NLN: variants seen among roughly 807,000 people sequenced by gnomAD.
NLN encodes the protein neurolysin, mitochondrial.
NLN carries 64 observed loss-of-function variants against 79.9 expected under a neutral mutation model. The observed-to-expected ratio is 0.80, with a 90% CI of 0.65 to 0.99. NLN has a LOEUF of 0.99. Ranked by LOEUF, NLN falls within the 50% of genes least tolerant of loss-of-function variation. The probability of loss-of-function intolerance (pLI) is 0.00; values close to 1 mark genes in which losing one functional copy is unlikely to be tolerated. For synonymous variants in NLN, 267 were observed against 296.6 expected, an observed-to-expected ratio of 0.90 and a Z score of 1.02; for missense variants, 835 against 858.7, an observed-to-expected ratio of 0.97 and a Z score of 0.34.
chr5:65,828,292 C>T lies in NLN; in HGVS notation c.*5377C>T, dbSNP rs908732475. On this transcript the variant is annotated 3_prime_UTR_variant, in exon 13 of 13. Transcript: ENST00000380985. Reference sequence around the variant, plus strand: ...AGATCAAAAGAATAATCCCCCCGGACTCCAGTGTAAGATCAATTACTGTTG... The same window carrying T: ...AGATCAAAAGAATAATCCCCCCGGATTCCAGTGTAAGATCAATTACTGTTG... 3 of 152,190 alleles carry T rather than the reference C, an allele frequency of 2.0e-5. No homozygotes were observed. The highest frequency in any genetic ancestry group is 7.2e-5 in the African/African-American group (3 of 41,438). 9.4% of individuals were successfully genotyped at this position (152,190 alleles called of 1,614,324 possible).
chr5:65,726,889 T>G (rs561492343), intron 1 of NLN, among the ~76,000 whole-genome samples: 2 of 152,348 alleles, frequency 1.3e-5, no homozygotes, highest in East Asian at 3.9e-4. Context: ...TTTTTCCTGT[T>G]TCCTCTGACA....
intron 1 of NLN, 114 bp from the exon 2 acceptor site, chr5:65,758,452 GT>G (rs1759267260): frequency 1.0e-5 from 7 of 691,906 alleles, no homozygotes; most frequent in African/African-American, 1.8e-5. Flanking sequence ...GTATTTGCTT[GT>G]TTTTTTAAAA....
chr5:65,758,978 A>C, intron 2 of NLN, 152 bp downstream of exon 2: 1 of 718,942 alleles, frequency 1.4e-6, no homozygotes, highest in Non-Finnish European at 2.2e-6. Context: ...AAAATTGTTT[A>C]TGTTGACAAA....
Position 65,816,213 on chromosome 5 carries a change from G to T in NLN, c.1980+3822G>T, listed in dbSNP as rs547295221. Among the ~76,000 whole-genome samples the T allele has an allele frequency of 2.0e-5, 3 of 152,088 alleles. No homozygotes were observed. The East Asian group carries it at 5.8e-4, about 29-fold the overall frequency. ...CTCAAAAAAAAAATAAAAAGAACAAGATCATGTCCTTTGTAGGGACATGGA... is the reference window on the plus strand; with the variant it reads ...CTCAAAAAAAAAATAAAAAGAACAATATCATGTCCTTTGTAGGGACATGGA... On this transcript the variant is annotated intron_variant, in intron 12 of 12. Transcript: ENST00000380985.
intron 8 of NLN, 40 bp from the exon 9 acceptor site, chr5:65,792,414 G>T (rs1260440452): frequency 1.0e-5 from 14 of 1,405,516 alleles, no homozygotes; most frequent in Admixed American, 1.7e-5. Context: ...TGCTAGAGGA[G>T]AATTTTCCTA....
At chr5:65,776,086 C>G (rs1759673390) in intron 3 of NLN, among the ~76,000 whole-genome samples, 1 of 152,076 alleles carries the variant, frequency 6.6e-6, no homozygotes, top group Admixed American at 6.5e-5. Context: ...AACCCCGTCT[C>G]TACTAAAAAT....
rs375785969 is a variant in NLN, at chr5:65,751,291, G to A, written c.42-7276G>A. On this transcript the variant is annotated intron_variant, in intron 1 of 12. Transcript: ENST00000380985. ...AAGTTGTAAAATTTTACATAATATAGTTTCACTATAGCCCTGGCTCTAATA... is the reference window on the plus strand; with the variant it reads ...AAGTTGTAAAATTTTACATAATATAATTTCACTATAGCCCTGGCTCTAATA... 5.3e-5 allele frequency among the ~76,000 whole-genome samples: 8 copies of A among 152,314 alleles called. No individual in the cohort carries two copies. The East Asian group carries it at 1.5e-3, about 29-fold the overall frequency.
intron 1 of NLN, among the ~76,000 whole-genome samples, chr5:65,750,416 A>G (rs1337897430): frequency 6.6e-6 from 1 of 152,234 alleles, no homozygotes; most frequent in Non-Finnish European, 1.5e-5. Context: ...TGGACTGAGT[A>G]CCTGAGGAAA....
At chr5:65,751,912 C>G (rs804493) in intron 1 of NLN, among the ~76,000 whole-genome samples, 1 of 151,780 alleles carries the variant, frequency 6.6e-6, no homozygotes, top group Admixed American at 6.6e-5. Context: ...TGTCAATTCC[C>G]GTATGGTATT....
intron 1 of NLN, among the ~76,000 whole-genome samples, chr5:65,732,725 A>T (rs1366137173): frequency 1.4e-5 from 2 of 143,812 alleles, no homozygotes; most frequent in African/African-American, 5.2e-5. Context: ...CTTTGTGCAC[A>T]TCTCCCACTG....
chr5:65,724,171 G>A (rs925529386), intron 1 of NLN, among the ~76,000 whole-genome samples: 1 of 142,794 alleles, frequency 7.0e-6, no homozygotes, highest in Non-Finnish European at 1.5e-5. Context: ...GTGTACAATT[G>A]AGAGGTACAG....
In NLN at chr5:65,741,772, G is replaced by A. The variant is rs568241939; in HGVS notation, c.42-16795G>A. ...AACACTTTATTTCATTTGTGAAGCAGCACTTGATTTTATATGCTCTGTGGT... is the reference window on the plus strand; with the variant it reads ...AACACTTTATTTCATTTGTGAAGCAACACTTGATTTTATATGCTCTGTGGT... On this transcript the variant is annotated intron_variant, in intron 1 of 12. Coordinates refer to ENST00000380985, the MANE Select transcript of NLN (RefSeq NM_020726.5). Among the ~76,000 whole-genome samples, 5 of 152,190 alleles carry A rather than the reference G, an allele frequency of 3.3e-5. No homozygotes were observed. In the South Asian group the frequency reaches 1.0e-3, roughly 31 times the overall value.
intron 11 of NLN, among the ~76,000 whole-genome samples, chr5:65,811,645 A>T (rs1760547713): frequency 6.6e-6 from 1 of 152,078 alleles, no homozygotes; most frequent in Non-Finnish European, 1.5e-5. Context: ...AAAGTGGTGA[A>T]ACCCTGTATC....
chr5:65,806,217 A>G (rs1332499154), intron 9 of NLN, among the ~76,000 whole-genome samples: 1 of 152,224 alleles, frequency 6.6e-6, no homozygotes, highest in African/African-American at 2.4e-5. Context: ...TCTGCTGTCC[A>G]TGGATCGAGG....
At chr5:65,768,244 A>G (rs1010809894) in intron 3 of NLN, among the ~76,000 whole-genome samples, 5 of 152,222 alleles carry the variant, frequency 3.3e-5, no homozygotes, top group Non-Finnish European at 5.9e-5. Context: ...TAATTTATAA[A>G]GAAAGAGGTT....
intron 1 of NLN, among the ~76,000 whole-genome samples, chr5:65,729,335 C>G (rs1288168521): frequency 7.1e-6 from 1 of 141,550 alleles, no homozygotes; most frequent in East Asian, 2.0e-4. Flanking sequence ...ATTATTTGTA[C>G]AAATGGATTT....
chr5:65,760,279 A>G (rs1253999396), intron 2 of NLN, among the ~76,000 whole-genome samples: 3 of 152,046 alleles, frequency 2.0e-5, no homozygotes, highest in Non-Finnish European at 4.4e-5. Context: ...CCTACTACCA[A>G]CTGCTTCACT....
intron 3 of NLN, among the ~76,000 whole-genome samples, chr5:65,776,622 C>G: frequency 6.6e-6 from 1 of 152,228 alleles, no homozygotes; most frequent in Non-Finnish European, 1.5e-5. Context: ...TTAGGAACCA[C>G]TAACTACCCA....
chr5:65,817,704 T>G (rs991226725), intron 12 of NLN, among the ~76,000 whole-genome samples: 1 of 152,182 alleles, frequency 6.6e-6, no homozygotes, highest in Non-Finnish European at 1.5e-5. Flanking sequence ...TCAAGAGAGT[T>G]AAGTGTAACT....
Sources: gnomAD v4.1 joint callset for allele counts (sites outside exome capture counted in the v4.1 genomes callset) on GRCh38, gnomAD v4.1.1 for gene constraint, MANE v1.5 for transcripts, NCBI Gene and HGNC (gene_info 2026-07-23, HGNC 2026-07-21) for gene names.